The following INTS12 variants were observed in gnomAD, a reference collection of about 807,000 sequenced individuals.
INTS12 encodes PHD finger protein 22.
Under a neutral mutation model 41.6 loss-of-function variants are expected in INTS12, and 13 were observed. The ratio of observed to expected loss-of-function variants is 0.31; its 90% CI spans 0.20 to 0.50. The LOEUF (loss-of-function observed/expected upper bound fraction) is 0.50. INTS12 is among the 20% of genes least tolerant of loss of function. The probability of loss-of-function intolerance (pLI) is 0.98; values close to 1 mark genes in which losing one functional copy is unlikely to be tolerated. For missense variants in INTS12, 432 were observed against 541.6 expected (o/e 0.80, Z 2.01); for synonymous variants, 199 against 191.4 (o/e 1.04, Z -0.33).
rs201400294 is a variant in INTS12 at position 105,695,534 on chromosome 4, T to C, written c.291A>G (p.Glu97=). The change falls in exon 4 of 8, where the codon GAA becomes GAG. Residue 97 remains glutamate (E), a synonymous_variant. Transcript: ENST00000340139. ...LTTEKVKKEA[E]KRPADKMKSD... ...ATCTTACTTTATCAGCAGGTCTCTT[T>C]TCAGCTTCCTTCTTTACCTTTTCAG... 8.9e-5 allele frequency: 143 copies of C among 1,604,576 alleles called. 1 individual carries two copies. In the East Asian group the frequency reaches 2.8e-3, roughly 31 times the overall value.
At chr4:105,695,003 C>T (rs748031267) in intron 4 of INTS12, among the ~76,000 whole-genome samples, 3 of 151,976 alleles carry the variant, frequency 2.0e-5, no homozygotes, top group Non-Finnish European at 4.4e-5. Flanking sequence ...CCGCTCACTG[C>T]AATCTCTGCC....
chr4:105,683,359 A>G, intron 7 of INTS12, 42 bp from the exon 8 acceptor site: 1 of 1,378,706 alleles, frequency 7.3e-7, no homozygotes, highest in Non-Finnish European at 9.9e-7. Flanking sequence ...GCCAAGTTTA[A>G]TCAGTACCTG....
chr4:105,688,992 T>C (rs1180422597), intron 6 of INTS12, among the ~76,000 whole-genome samples: 1 of 152,242 alleles, frequency 6.6e-6, no homozygotes, highest in African/African-American at 2.4e-5. Flanking sequence ...CATTGCAAAA[T>C]GTATAAAATT....
At chr4:105,683,748 T>C (rs1731407251) in intron 7 of INTS12, among the ~76,000 whole-genome samples, 1 of 152,002 alleles carries the variant, frequency 6.6e-6, no homozygotes, top group Non-Finnish European at 1.5e-5. Context: ...AAAATGCCCA[T>C]ACCCAGAATA....
chr4:105,704,562 A>G (rs1732198386), intron 1 of INTS12, among the ~76,000 whole-genome samples: 1 of 152,208 alleles, frequency 6.6e-6, no homozygotes, highest in Non-Finnish European at 1.5e-5. Context: ...TTTGATCTAT[A>G]TAGTCTTTTG....
chr4:105,701,613 A>G (rs1286506522), intron 2 of INTS12, among the ~76,000 whole-genome samples: 1 of 152,182 alleles, frequency 6.6e-6, no homozygotes, highest in Non-Finnish European at 1.5e-5. Context: ...CCCCCAGCAT[A>G]TACAAGGGTA....
chr4:105,687,238 G>A (rs1731528894), intron 6 of INTS12, among the ~76,000 whole-genome samples: 2 of 152,008 alleles, frequency 1.3e-5, no homozygotes, highest in South Asian at 4.1e-4. Flanking sequence ...GGCATAAGTC[G>A]ACTCCTCAGT....
At chr4:105,708,292 T>G (rs1732374268) in intron 1 of INTS12, 1 of 985,332 alleles carries the variant, frequency 1.0e-6, no homozygotes, top group African/African-American at 1.7e-5. Flanking sequence ...GAATGGGGGA[T>G]GGTCCTTGAC....
intron 2 of INTS12, among the ~76,000 whole-genome samples, chr4:105,702,416 G>T (rs535513248): frequency 6.6e-6 from 1 of 152,016 alleles, no homozygotes; most frequent in African/African-American, 2.4e-5. Flanking sequence ...GATTACAGGC[G>T]TGAGCCACCG....
intron 3 of INTS12, among the ~76,000 whole-genome samples, chr4:105,696,890 C>G (rs1287275431): frequency 1.3e-5 from 2 of 152,268 alleles, no homozygotes; most frequent in South Asian, 4.1e-4. Context: ...TGTAGATGTT[C>G]TAATAGGTAT....
chr4:105,697,790 C>A (rs1447067835), intron 3 of INTS12, among the ~76,000 whole-genome samples: 2 of 152,120 alleles, frequency 1.3e-5, no homozygotes, highest in Non-Finnish European at 2.9e-5. Context: ...TGACACATGC[C>A]TGTAATCCCA....
At chr4:105,691,826 A>C in intron 6 of INTS12, 150 bp downstream of exon 6, 1 of 484,696 alleles carries the variant, frequency 2.1e-6, no homozygotes, top group Non-Finnish European at 3.3e-6. Flanking sequence ...AGAAATATTA[A>C]TCACATGTAC....
At position 105,701,674 on chromosome 4, in the gene INTS12, TA is replaced by T. The variant is rs780206193; in HGVS notation, c.-9-1661del. ...AAATTCCACTCCTGTGACAGTTTAC[TA>T]ATCTTTCTACTGATTTTATTTCATA... On this transcript the variant is annotated intron_variant, in intron 2 of 7. Coordinates refer to ENST00000340139, the MANE Select transcript of INTS12 (RefSeq NM_020395.4). 1.7e-4 allele frequency among the ~76,000 whole-genome samples: 26 copies of T among 152,334 alleles called. No homozygotes were observed. The East Asian group carries it at 4.6e-3, about 27-fold the overall frequency.
At chr4:105,685,880 T>C (rs1370496260) in intron 7 of INTS12, among the ~76,000 whole-genome samples, 1 of 152,026 alleles carries the variant, frequency 6.6e-6, no homozygotes, top group Non-Finnish European at 1.5e-5. Context: ...TGTGGTCCCT[T>C]GGTATAAGAG....
chr4:105,708,635 C>T lies in INTS12; in HGVS notation c.-172+3G>A. 1 of 982,522 alleles carries T rather than the reference C, an allele frequency of 1.0e-6. No homozygotes were observed. The highest frequency in any genetic ancestry group is 1.2e-6 in the Non-Finnish European group (1 of 827,380). 60.9% of individuals were successfully genotyped at this position (982,522 alleles called of 1,614,324 possible). On this transcript the variant is annotated splice_donor_region_variant and intron_variant, in intron 1 of 7. Transcript: ENST00000340139. ...AGGAGCAGAGTCGCTCAGCATAACTCACCGTTCCGCCCCGCCCTGCCGATC... is the reference window on the plus strand; with the variant it reads ...AGGAGCAGAGTCGCTCAGCATAACTTACCGTTCCGCCCCGCCCTGCCGATC...
intron 7 of INTS12, among the ~76,000 whole-genome samples, chr4:105,685,794 G>C (rs1332583188): frequency 6.6e-6 from 1 of 152,004 alleles, no homozygotes; most frequent in African/African-American, 2.4e-5. Context: ...AAAAGGCCAA[G>C]ATATTAAGAA....
At chr4:105,691,925 C>T in intron 6 of INTS12, 51 bp downstream of exon 6, 29 of 1,348,718 alleles carry the variant, frequency 2.2e-5, no homozygotes, top group South Asian at 8.7e-5. Context: ...AAGCACATAC[C>T]AACAAAAACA....
chr4:105,702,399 G>A (rs1266427796), intron 2 of INTS12, among the ~76,000 whole-genome samples: 2 of 152,014 alleles, frequency 1.3e-5, no homozygotes, highest in Admixed American at 1.3e-4. Context: ...GCCTCCCAAA[G>A]TGCTGGGATT....
chr4:105,691,362 T>C (rs775542578), intron 6 of INTS12, among the ~76,000 whole-genome samples: 15 of 152,232 alleles, frequency 9.9e-5, no homozygotes, highest in Non-Finnish European at 1.5e-4. Flanking sequence ...GAATAAAAGT[T>C]AGAAAACTAT....
Sources: allele counts gnomAD v4.1 joint callset (sites outside exome capture counted in the v4.1 genomes callset), GRCh38; gene constraint gnomAD v4.1.1; transcripts MANE v1.5; gene names NCBI Gene and HGNC (gene_info 2026-07-23, HGNC 2026-07-21).